The following ANO3 variants were observed in gnomAD, a reference collection of about 807,000 sequenced individuals.
ANO3 encodes the protein anoctamin-3.
Under a neutral mutation model 144.8 loss-of-function variants are expected in ANO3, and 99 were observed. That is an observed-to-expected ratio of 0.68 (90% CI 0.58 to 0.81). The LOEUF (loss-of-function observed/expected upper bound fraction) is 0.81, where lower values mean the gene tolerates loss of function less well. Ranked by LOEUF, ANO3 falls within the 30% of genes least tolerant of loss-of-function variation. ANO3 has a pLI of 0.00. For missense variants in ANO3, 905 were observed against 1,202.2 expected (o/e 0.75, Z 3.66); for synonymous variants, 414 against 392.6 (o/e 1.05, Z -0.64).
intron 1 of ANO3, among the ~76,000 whole-genome samples, chr11:26,213,815 A>G (rs1169410810): frequency 6.6e-6 from 1 of 151,968 alleles, no homozygotes; most frequent in Non-Finnish European, 1.5e-5. Context: ...GTTAAATGAT[A>G]TATTTTGATT....
intron 1 of ANO3, among the ~76,000 whole-genome samples, chr11:26,345,108 A>G (rs895007033): frequency 1.3e-5 from 2 of 152,218 alleles, no homozygotes; most frequent in African/African-American, 4.8e-5. Flanking sequence ...TGTCTATAAA[A>G]TGAAATGATG....
intron 4 of ANO3, among the ~76,000 whole-genome samples, chr11:26,497,591 G>A (rs1861017715): frequency 6.6e-6 from 1 of 152,040 alleles, no homozygotes; most frequent in Admixed American, 6.6e-5. Flanking sequence ...AGTATCTTAG[G>A]AATATTTTCA....
At chr11:26,224,356 C>T (rs1852213525) in intron 1 of ANO3, among the ~76,000 whole-genome samples, 1 of 152,236 alleles carries the variant, frequency 6.6e-6, no homozygotes, top group Non-Finnish European at 1.5e-5. Context: ...CCACATCTTT[C>T]TCCATCCCAG....
intron 1 of ANO3, among the ~76,000 whole-genome samples, chr11:26,358,688 T>C (rs1309484480): frequency 6.6e-6 from 1 of 152,160 alleles, no homozygotes; most frequent in African/African-American, 2.4e-5. Context: ...CGGCCACTAG[T>C]TTTTTAATAT....
At chr11:26,304,829 A>G (rs1854336501), upstream of ANO3, among the ~76,000 whole-genome samples, 1 of 152,134 alleles carries the variant, frequency 6.6e-6, no homozygotes, top group Non-Finnish European at 1.5e-5. Context: ...AGATTCCCAG[A>G]AGTGAGATTA....
At chr11:26,454,288 G>C (rs1342705686) in intron 3 of ANO3, among the ~76,000 whole-genome samples, 5 of 152,128 alleles carry the variant, frequency 3.3e-5, no homozygotes, top group African/African-American at 4.8e-5. Flanking sequence ...GAATCCAGGA[G>C]CTGGTTTTTT....
chr11:26,350,401 T>C (rs1377236338), intron 1 of ANO3, among the ~76,000 whole-genome samples: 1 of 152,190 alleles, frequency 6.6e-6, no homozygotes, highest in African/African-American at 2.4e-5. Context: ...GCACATGATC[T>C]ATATTTTTGT....
chr11:26,207,808 G>A (rs1851839093), intron 1 of ANO3, among the ~76,000 whole-genome samples: 1 of 152,194 alleles, frequency 6.6e-6, no homozygotes, highest in Non-Finnish European at 1.5e-5. Flanking sequence ...AATGAATGAT[G>A]CTAAAATCCT....
chr11:26,441,422 C>T (rs1018866689), intron 1 of ANO3, among the ~76,000 whole-genome samples: 1 of 152,040 alleles, frequency 6.6e-6, no homozygotes, highest in African/African-American at 2.4e-5. Flanking sequence ...CGGCCTGCTG[C>T]CCAGTTTTTA....
At chr11:26,655,202 G>C (rs912457680) in intron 24 of ANO3, among the ~76,000 whole-genome samples, 3 of 152,072 alleles carry the variant, frequency 2.0e-5, no homozygotes, top group Non-Finnish European at 2.9e-5. Context: ...AAACATCCAG[G>C]CATTTGGGGC....
rs777133919 is a variant in ANO3 at position 26,561,156 on chromosome 11, G to T, written c.1447+1377G>T. On this transcript the variant is annotated intron_variant, in intron 14 of 26. Transcript: ENST00000256737. ...TTCTGGCATGGCTGAATCATTCAAA[G>T]TTGGATTGTAGTAGCTAGAATTCCC... 4.3e-6 allele frequency: 7 copies of T among 1,612,802 alleles called. No homozygotes were observed. In the Admixed American group the frequency reaches 6.7e-5, roughly 15 times the overall value.
At chr11:26,261,708 T>G (rs1042068028) in intron 1 of ANO3, among the ~76,000 whole-genome samples, 1 of 152,198 alleles carries the variant, frequency 6.6e-6, no homozygotes, top group African/African-American at 2.4e-5. Context: ...CTTTACTTTG[T>G]CTGAATCTCA....
At chr11:26,528,201 T>C (rs1366074223) in intron 7 of ANO3, among the ~76,000 whole-genome samples, 1 of 152,196 alleles carries the variant, frequency 6.6e-6, no homozygotes, top group African/African-American at 2.4e-5. Flanking sequence ...TATTGAGTAC[T>C]TACTATGTTC....
intron 1 of ANO3, among the ~76,000 whole-genome samples, chr11:26,360,383 G>C (rs541973389): frequency 3.9e-5 from 6 of 152,192 alleles, no homozygotes; most frequent in Admixed American, 3.9e-4. Context: ...AGCGTGATCA[G>C]ATAGAGATTT....
intron 16 of ANO3, 126 bp from the exon 17 acceptor site, chr11:26,599,424 A>G: frequency 6.2e-6 from 6 of 970,012 alleles, no homozygotes; most frequent in Non-Finnish European, 9.1e-6. Flanking sequence ...AATTAAATCT[A>G]GATATCCTTT....
At chr11:26,514,540 G>A (rs976388653) in intron 5 of ANO3, among the ~76,000 whole-genome samples, 2 of 151,984 alleles carry the variant, frequency 1.3e-5, no homozygotes, top group African/African-American at 4.8e-5. Context: ...TGGTAGAGAT[G>A]GAATTTGTAC....
chr11:26,232,091 G>A (rs1016312738), intron 1 of ANO3, among the ~76,000 whole-genome samples: 1 of 152,142 alleles, frequency 6.6e-6, no homozygotes, highest in African/African-American at 2.4e-5. Context: ...TCTAATAAAT[G>A]TGCCCCAATT....
intron 3 of ANO3, among the ~76,000 whole-genome samples, chr11:26,458,208 A>T (rs1859240847): frequency 6.6e-6 from 1 of 152,120 alleles, no homozygotes; most frequent in Admixed American, 6.6e-5. Context: ...TGCCCTTGAG[A>T]ACAACCAAAA....
chr11:26,390,791 T>A (rs1434004419), intron 1 of ANO3, among the ~76,000 whole-genome samples: 1 of 152,086 alleles, frequency 6.6e-6, no homozygotes, highest in Admixed American at 6.6e-5. Flanking sequence ...TTGTGGGAAG[T>A]ACAATAAAGG....
Sources: gnomAD v4.1 joint callset for allele counts (sites outside exome capture counted in the v4.1 genomes callset) on GRCh38, gnomAD v4.1.1 for gene constraint, MANE v1.5 for transcripts, NCBI Gene and HGNC (gene_info 2026-07-23, HGNC 2026-07-21) for gene names.